FSIP1: variants seen among roughly 807,000 people sequenced by gnomAD.
FSIP1 encodes fibrous sheath-interacting protein 1.
A neutral mutation model predicts 60.9 loss-of-function variants in FSIP1; 65 were observed. That is an observed-to-expected ratio of 1.07 (90% CI 0.87 to 1.31). The LOEUF (loss-of-function observed/expected upper bound fraction) is 1.31, where lower values mean the gene tolerates loss of function less well. Among genes scored for constraint, FSIP1 ranks in the 40% most tolerant of loss-of-function variants. The pLI is 0.00. For missense variants in FSIP1, 675 were observed against 665.5 expected, an observed-to-expected ratio of 1.01 and a Z score of -0.16; for synonymous variants, 209 against 221.2, an observed-to-expected ratio of 0.94 and a Z score of 0.49.
At chr15:39,645,508 G>T (rs888888974) in intron 10 of FSIP1, among the ~76,000 whole-genome samples, 39 of 152,244 alleles carry the variant, frequency 2.6e-4, no homozygotes, top group African/African-American at 8.9e-4. Flanking sequence ...TTGTGCTCTT[G>T]GGGGAGCCAG....
intron 10 of FSIP1, among the ~76,000 whole-genome samples, chr15:39,698,235 A>T (rs1894903419): frequency 6.6e-6 from 1 of 150,462 alleles, no homozygotes; most frequent in South Asian, 2.1e-4. Context: ...TATTAATTAC[A>T]TGTCACAATG....
chr15:39,716,255 G>A (rs2140561986), intron 9 of FSIP1, among the ~76,000 whole-genome samples: 1 of 152,264 alleles, frequency 6.6e-6, no homozygotes, highest in Admixed American at 6.5e-5. Flanking sequence ...AAACACCCCG[G>A]ATTTCATTTT....
chr15:39,721,632 C>A (rs146970103), intron 9 of FSIP1, among the ~76,000 whole-genome samples: 3 of 152,184 alleles, frequency 2.0e-5, no homozygotes, highest in African/African-American at 7.2e-5. Context: ...AATGTATTGA[C>A]GATCTCTGCA....
In FSIP1 at chr15:39,776,550, T is replaced by C. The variant is rs773679985; in HGVS notation, c.-7-19A>G. 3.2e-6 allele frequency: 5 copies of C among 1,570,000 alleles called. No homozygotes were observed. The highest frequency in any genetic ancestry group is 4.4e-6 in the Non-Finnish European group (5 of 1,148,408). On this transcript the variant is annotated intron_variant, in intron 1 of 11. Coordinates refer to ENST00000350221, the MANE Select transcript of FSIP1 (RefSeq NM_152597.5). ...TGAAATCCTGAAACAACAAATAAAA[T>C]ATTTAATACCAAGCGACTCGGATAT... is the stretch of plus-strand genomic sequence containing the variant.
chr15:39,648,366 T>C (rs1030292886), intron 10 of FSIP1, among the ~76,000 whole-genome samples: 4 of 152,202 alleles, frequency 2.6e-5, no homozygotes, highest in African/African-American at 9.6e-5. Context: ...TCACTAACAA[T>C]ATATAATGTT....
At position 39,770,586 on chromosome 15, in the gene FSIP1, A is replaced by C; in HGVS notation, c.151T>G (p.Ser51Ala). 6.5e-7 allele frequency: 1 copy of C among 1,548,246 alleles called. No homozygotes were observed. Among genetic ancestry groups the C allele is most frequent in the Non-Finnish European group, 8.7e-7 (1 of 1,152,586 alleles). Residue 51 changes from serine to alanine, a missense_variant, in exon 3 of 12, where the codon TCT becomes GCT. Transcript: ENST00000350221. ...CTTTCGGAGTGGTCCTCTTTACCAG[A>C]GTTCAAGTTGCTTGCAGTATCGACC... Reference protein sequence around the residue: ...FKVDTASNLNSGKEDHSESSN... With the variant: ...FKVDTASNLNAGKEDHSESSN...
chr15:39,695,770 A>G (rs1427053911), intron 10 of FSIP1, among the ~76,000 whole-genome samples: 1 of 152,260 alleles, frequency 6.6e-6, no homozygotes, highest in Non-Finnish European at 1.5e-5. Flanking sequence ...CAACGTAGAG[A>G]TAGAATAAAT....
chr15:39,643,101 TA>T (rs1431254357), intron 10 of FSIP1, among the ~76,000 whole-genome samples: 3 of 152,160 alleles, frequency 2.0e-5, no homozygotes, highest in Admixed American at 6.5e-5. Context: ...CACCTGAGGT[TA>T]AAAATGTGGC....
intron 10 of FSIP1, among the ~76,000 whole-genome samples, chr15:39,632,778 G>A (rs538241996): frequency 1.3e-5 from 2 of 152,166 alleles, no homozygotes; most frequent in Admixed American, 6.5e-5. Flanking sequence ...GTGACAGAGT[G>A]AGACTCTGTC....
intron 10 of FSIP1, among the ~76,000 whole-genome samples, chr15:39,696,987 T>C: frequency 6.6e-6 from 1 of 151,292 alleles, no homozygotes; most frequent in East Asian, 1.9e-4. Context: ...TCAGACAGGA[T>C]CATGACCAAG....
At chr15:39,724,520 G>C (rs1235471285) in intron 9 of FSIP1, among the ~76,000 whole-genome samples, 2 of 152,124 alleles carry the variant, frequency 1.3e-5, no homozygotes, top group African/African-American at 4.8e-5. Flanking sequence ...CCAAAGTGCT[G>C]GGATTACAGG....
At chr15:39,687,939 C>T (rs1364381183) in intron 10 of FSIP1, among the ~76,000 whole-genome samples, 2 of 152,122 alleles carry the variant, frequency 1.3e-5, no homozygotes, top group Non-Finnish European at 2.9e-5. Flanking sequence ...GAATCTCTAA[C>T]TCCCAAAATT....
At chr15:39,678,661 T>C (rs1487723907) in intron 10 of FSIP1, among the ~76,000 whole-genome samples, 1 of 152,202 alleles carries the variant, frequency 6.6e-6, no homozygotes, top group Non-Finnish European at 1.5e-5. Context: ...TACTACTAAT[T>C]CTTAACAAGG....
At chr15:39,670,388 C>CA in intron 10 of FSIP1, among the ~76,000 whole-genome samples, 1 of 152,076 alleles carries the variant, frequency 6.6e-6, no homozygotes, top group East Asian at 1.9e-4. Context: ...TAAGAAATGG[C>CA]AAAAAATATA....
chr15:39,713,173 C>A (rs1187566815), intron 10 of FSIP1, among the ~76,000 whole-genome samples: 2 of 152,146 alleles, frequency 1.3e-5, no homozygotes, highest in Non-Finnish European at 2.9e-5. Context: ...TTGTTACTGA[C>A]AAATTCACAT....
At chr15:39,664,734 GC>G (rs757756876) in intron 10 of FSIP1, among the ~76,000 whole-genome samples, 2 of 151,768 alleles carry the variant, frequency 1.3e-5, no homozygotes, top group Non-Finnish European at 2.9e-5. Flanking sequence ...GTGTCCCTTT[GC>G]CCCCTCCTAT....
intron 5 of FSIP1, among the ~76,000 whole-genome samples, chr15:39,745,215 C>T (rs376360958): frequency 6.7e-6 from 1 of 150,332 alleles, no homozygotes; most frequent in Non-Finnish European, 1.5e-5. Context: ...TTTCTGAATA[C>T]TGAATTATGC....
intron 10 of FSIP1, among the ~76,000 whole-genome samples, chr15:39,706,284 A>C (rs1214582101): frequency 6.6e-6 from 1 of 152,214 alleles, no homozygotes; most frequent in African/African-American, 2.4e-5. Flanking sequence ...GTTTTCCAGG[A>C]GAAAAAATAA....
intron 1 of FSIP1, among the ~76,000 whole-genome samples, chr15:39,776,884 C>T (rs530649562): frequency 2.4e-4 from 36 of 152,284 alleles, no homozygotes; most frequent in African/African-American, 8.2e-4. Flanking sequence ...GTCTCTCAAG[C>T]AAGATCCACT....
Sources: gnomAD v4.1 joint callset for allele counts (sites outside exome capture counted in the v4.1 genomes callset) on GRCh38, gnomAD v4.1.1 for gene constraint, MANE v1.5 for transcripts, NCBI Gene and HGNC (gene_info 2026-07-23, HGNC 2026-07-21) for gene names.